The following DSCAM variants were observed in gnomAD, a reference collection of about 807,000 sequenced individuals.
DSCAM encodes the protein DS cell adhesion molecule, also known as cell adhesion molecule DSCAM.
Under a neutral mutation model 217.7 loss-of-function variants are expected in DSCAM, and 47 were observed. That is an observed-to-expected ratio of 0.22 (90% CI 0.17 to 0.28). The LOEUF is 0.28. Ranked by LOEUF, DSCAM falls within the 10% of genes least tolerant of loss-of-function variation. The probability of loss-of-function intolerance (pLI) is 1.00; values close to 1 mark genes in which losing one functional copy is unlikely to be tolerated. For missense variants in DSCAM, 2,080 were observed against 2,618.3 expected, an observed-to-expected ratio of 0.79 and a Z score of 4.49; for synonymous variants, 1,056 against 1,015.3, an observed-to-expected ratio of 1.04 and a Z score of -0.76.
chr21:40,293,583 A>C (rs59725054), intron 10 of DSCAM, among the ~76,000 whole-genome samples: 1 of 152,112 alleles, frequency 6.6e-6, no homozygotes, highest in Admixed American at 6.5e-5. Context: ...GTACTACAAT[A>C]AACATTACAC....
intron 1 of DSCAM, among the ~76,000 whole-genome samples, chr21:40,727,786 G>A (rs898048384): frequency 6.6e-6 from 1 of 152,114 alleles, no homozygotes; most frequent in African/African-American, 2.4e-5. Context: ...AGCTTTTGAG[G>A]ACCCCATTCT....
intron 3 of DSCAM, among the ~76,000 whole-genome samples, chr21:40,370,030 T>G (rs1459120719): frequency 1.3e-5 from 2 of 152,196 alleles, no homozygotes; most frequent in Admixed American, 6.5e-5. Context: ...CCGGTAAAGC[T>G]TCAGTTGAAC....
chr21:40,506,589 A>G (rs1310864446), intron 3 of DSCAM, among the ~76,000 whole-genome samples: 1 of 152,134 alleles, frequency 6.6e-6, no homozygotes, highest in Non-Finnish European at 1.5e-5. Flanking sequence ...CATTTCCAAC[A>G]CCACACTGTC....
At chr21:40,223,381 T>C (rs1244457635) in intron 11 of DSCAM, among the ~76,000 whole-genome samples, 3 of 152,228 alleles carry the variant, frequency 2.0e-5, no homozygotes, top group Admixed American at 1.3e-4. Flanking sequence ...TTCCAGCTGC[T>C]ACTATCCTAA....
intron 1 of DSCAM, among the ~76,000 whole-genome samples, chr21:40,822,562 C>T (rs1457633193): frequency 6.6e-6 from 1 of 151,924 alleles, no homozygotes; most frequent in East Asian, 1.9e-4. Context: ...TCCCAATGGA[C>T]ATAAAATAAG....
chr21:40,698,351 G>C (rs1389319121), intron 2 of DSCAM, among the ~76,000 whole-genome samples: 5 of 152,148 alleles, frequency 3.3e-5, no homozygotes, highest in African/African-American at 1.2e-4. Flanking sequence ...CCCATAAAAG[G>C]GAAGAAAGTT....
At chr21:40,651,475 A>T (rs1355670032) in intron 3 of DSCAM, among the ~76,000 whole-genome samples, 1 of 152,136 alleles carries the variant, frequency 6.6e-6, no homozygotes, top group Admixed American at 6.5e-5. Flanking sequence ...CTCATTTGCA[A>T]ACCGTATATA....
chr21:40,779,491 C>A (rs181156291), intron 1 of DSCAM, among the ~76,000 whole-genome samples: 214 of 152,216 alleles, frequency 1.4e-3, no homozygotes, highest in Non-Finnish European at 2.6e-3. Context: ...TCATTGCATG[C>A]GTATCAAATT....
At chr21:40,611,090 A>G (rs1485789725) in intron 3 of DSCAM, among the ~76,000 whole-genome samples, 1 of 136,042 alleles carries the variant, frequency 7.4e-6, no homozygotes, top group African/African-American at 2.8e-5. Context: ...ATGGAGACTC[A>G]CCGTGTCGTC....
intron 3 of DSCAM, among the ~76,000 whole-genome samples, chr21:40,577,186 A>G (rs991840872): frequency 1.1e-4 from 16 of 151,504 alleles, no homozygotes; most frequent in African/African-American, 3.9e-4. Context: ...TTCATTCACC[A>G]TCCCTTATTA....
At chr21:40,056,683 G>A (rs980775063) in intron 28 of DSCAM, among the ~76,000 whole-genome samples, 2 of 152,134 alleles carry the variant, frequency 1.3e-5, no homozygotes, top group African/African-American at 2.4e-5. Context: ...ATTTACTGAA[G>A]CATCCTCTAA....
chr21:40,649,683 G>A (rs558238240), intron 3 of DSCAM, among the ~76,000 whole-genome samples: 6 of 152,208 alleles, frequency 3.9e-5, no homozygotes, highest in South Asian at 2.1e-4. Flanking sequence ...TCTCAGAAGC[G>A]CTTTGAGAGG....
chr21:40,386,786 T>G (rs2075090003), intron 3 of DSCAM, among the ~76,000 whole-genome samples: 1 of 152,144 alleles, frequency 6.6e-6, no homozygotes, highest in Admixed American at 6.5e-5. Flanking sequence ...ACAGTGACGT[T>G]TTTCTTGAAC....
intron 3 of DSCAM, among the ~76,000 whole-genome samples, chr21:40,370,680 G>T (rs572996356): frequency 1.3e-5 from 2 of 151,952 alleles, no homozygotes; most frequent in African/African-American, 4.8e-5. Flanking sequence ...TGGTGCAGTG[G>T]TATCATCTCA....
intron 3 of DSCAM, among the ~76,000 whole-genome samples, chr21:40,371,656 T>C (rs2074900269): frequency 6.6e-6 from 1 of 152,178 alleles, no homozygotes; most frequent in Non-Finnish European, 1.5e-5. Context: ...TAACATTTTT[T>C]TCGTTTACCC....
intron 20 of DSCAM, among the ~76,000 whole-genome samples, chr21:40,114,945 A>G (rs1440493544): frequency 6.6e-6 from 1 of 152,204 alleles, no homozygotes; most frequent in Admixed American, 6.5e-5. Flanking sequence ...GAGAAATAGG[A>G]ACACTTTTAC....
intron 3 of DSCAM, among the ~76,000 whole-genome samples, chr21:40,635,038 A>G (rs2089737924): frequency 6.6e-6 from 1 of 152,220 alleles, no homozygotes; most frequent in African/African-American, 2.4e-5. Flanking sequence ...CAGCCCCTGG[A>G]ATAGCACCAG....
intron 11 of DSCAM, among the ~76,000 whole-genome samples, chr21:40,214,456 G>A (rs1196653156): frequency 6.6e-6 from 1 of 152,118 alleles, no homozygotes; most frequent in Admixed American, 6.5e-5. Flanking sequence ...TGGAATATAG[G>A]CATTGTTAGC....
At chr21:40,613,086 A>G (rs1437820887) in intron 3 of DSCAM, among the ~76,000 whole-genome samples, 1 of 152,206 alleles carries the variant, frequency 6.6e-6, no homozygotes, top group Non-Finnish European at 1.5e-5. Flanking sequence ...GAAAATCTCT[A>G]TTGATTCAGC....
Sources: allele counts gnomAD v4.1 joint callset (sites outside exome capture counted in the v4.1 genomes callset), GRCh38; gene constraint gnomAD v4.1.1; transcripts MANE v1.5; gene names NCBI Gene and HGNC (gene_info 2026-07-23, HGNC 2026-07-21).